The following ANKEF1 variants were observed in gnomAD, a reference collection of about 807,000 sequenced individuals.
The protein encoded by ANKEF1 is ankyrin repeat and EF-hand domain-containing protein 1.
ANKEF1 carries 43 observed loss-of-function variants against 65.1 expected under a neutral mutation model. The ratio of observed to expected loss-of-function variants is 0.66; its 90% CI spans 0.52 to 0.85. ANKEF1 has a LOEUF of 0.85. ANKEF1 is among the 40% of genes least tolerant of loss of function. The pLI is 0.00. For synonymous variants in ANKEF1, 316 were observed against 341.5 expected (o/e 0.93, Z 0.82); for missense variants, 934 against 952.9 (o/e 0.98, Z 0.26).
At chr20:10,041,825 C>T (rs913255649) in intron 3 of ANKEF1, among the ~76,000 whole-genome samples, 7 of 152,130 alleles carry the variant, frequency 4.6e-5, no homozygotes, top group Non-Finnish European at 8.8e-5. Flanking sequence ...TCACTTTTGC[C>T]ATCAAGTAGT....
intron 8 of ANKEF1, among the ~76,000 whole-genome samples, chr20:10,052,431 T>G (rs953532416): frequency 2.0e-5 from 3 of 152,178 alleles, no homozygotes; most frequent in Non-Finnish European, 4.4e-5. Flanking sequence ...GAGGCTTCCC[T>G]GACTCTAGGA....
intron 3 of ANKEF1, chr20:10,040,808 G>C (rs1253479380): frequency 6.6e-6 from 1 of 151,996 alleles, no homozygotes; most frequent in African/African-American, 2.4e-5. Flanking sequence ...TTTCATAAGT[G>C]GCTCTGGGCC....
At chr20:10,040,029 G>T (rs1273120587) in intron 3 of ANKEF1, among the ~76,000 whole-genome samples, 1 of 152,132 alleles carries the variant, frequency 6.6e-6, no homozygotes, top group Non-Finnish European at 1.5e-5. Flanking sequence ...GGTAAAATTG[G>T]AAACAAGGTC....
chr20:10,050,325 A>G lies in ANKEF1; in HGVS notation c.1643+113A>G, dbSNP rs568289410. 3.5e-4 allele frequency: 274 copies of G among 787,328 alleles called. 1 individual carries two copies. In the Middle Eastern group the frequency reaches 6.7e-3, roughly 19 times the overall value. The allele number at this position is 787,328 out of a possible 1,614,324, so 48.8% of individuals were successfully genotyped here. On this transcript the variant is annotated intron_variant, in intron 7 of 10. Coordinates refer to ENST00000378392, the MANE Select transcript of ANKEF1 (RefSeq NM_022096.6). ...GAAAAGTGCTACTTTATTAAAGTCT[A>G]TAATAAGGCTTTAATATATAAAAGC... is the stretch of plus-strand genomic sequence containing the variant.
rs773935316 is a variant in ANKEF1 at position 10,038,636 on chromosome 20, A to G, written c.335A>G (p.Asn112Ser). The change falls in exon 3 of 11, where the codon AAT becomes AGT. Residue 112 changes from asparagine (N) to serine (S), a missense_variant. By Grantham distance (46) the Asn-to-Ser change is conservative. Transcript: ENST00000378392. ...KAKADMTIVD[N>S]EGKGVLFYCI... ...AAGGCTGATATGACTATAGTTGATAATGAAGGAAAAGGTAAAAATCCCGAC... is the reference window on the plus strand; with the variant it reads ...AAGGCTGATATGACTATAGTTGATAGTGAAGGAAAAGGTAAAAATCCCGAC... 6.3e-7 allele frequency: 1 copy of G among 1,589,014 alleles called. No individual in the cohort carries two copies. Among genetic ancestry groups the G allele is most frequent in the Non-Finnish European group, 8.6e-7 (1 of 1,162,190 alleles).
chr20:10,049,613 CAG>C lies in ANKEF1; in HGVS notation c.1045_1046del (p.Arg349GlyfsTer2), dbSNP rs749957827. The C allele has an allele frequency of 3.7e-6, 6 of 1,614,036 alleles. No individual in the cohort carries two copies. The highest frequency in any genetic ancestry group is 2.7e-5 in the African/African-American group (2 of 74,974). On this transcript the variant is annotated frameshift_variant, in exon 7 of 11. Coordinates refer to ENST00000378392, the MANE Select transcript of ANKEF1 (RefSeq NM_022096.6). LOFTEE classifies it high-confidence loss of function. ...TCCGGGAAGCCTTTGCGGTTTTAGA[CAG>C]GGGTGATGGAAGCATCAGCAAGAAC... ...FLREAFAVLDRGDGSISKNDF... is the reference protein window; with the variant it reads ...FLREAFAVLDXGDGSISKNDF...
chr20:10,038,350 C>A lies in ANKEF1; in HGVS notation c.49C>A (p.Leu17Ile), dbSNP rs745650843. The A allele has an allele frequency of 1.2e-6, 2 of 1,604,156 alleles. No homozygotes were observed. Among genetic ancestry groups the A allele is most frequent in the South Asian group, 2.2e-5 (2 of 89,430 alleles). The change falls in exon 3 of 11, where the codon CTT becomes ATT. Residue 17 changes from leucine to isoleucine, a missense_variant. Leu to Ile is a conservative substitution (Grantham distance 5, BLOSUM62 2). Coordinates refer to ENST00000378392, the MANE Select transcript of ANKEF1 (RefSeq NM_022096.6). ...TGAGAACTTACAGATCTACAAAGTTCTTCAATGTGTGCGGAACAAAGACAA... is the reference window on the plus strand; with the variant it reads ...TGAGAACTTACAGATCTACAAAGTTATTCAATGTGTGCGGAACAAAGACAA... ...RLENLQIYKV[L>I]QCVRNKDKKQ...
intron 5 of ANKEF1, among the ~76,000 whole-genome samples, 199 bp downstream of exon 5, chr20:10,044,742 T>G (rs1225989773): frequency 6.6e-6 from 1 of 152,210 alleles, no homozygotes; most frequent in Non-Finnish European, 1.5e-5. Context: ...TTTATGTGTT[T>G]GCTAATTTAC....
chr20:10,049,329 T>A (rs541316772), intron 6 of ANKEF1, 61 bp from the exon 7 acceptor site: 216 of 1,438,072 alleles, frequency 1.5e-4, no homozygotes, highest in Non-Finnish European at 1.9e-4. Context: ...TGGATGAGTG[T>A]CACTTATAGC....
Position 10,051,693 on chromosome 20 carries a change from G to C in ANKEF1, c.1674G>C (p.Leu558=), listed in dbSNP as rs1447757912. Residue 558 remains leucine, a synonymous_variant, in exon 8 of 11, where the codon CTG becomes CTC. Coordinates refer to ENST00000378392, the MANE Select transcript of ANKEF1 (RefSeq NM_022096.6). ...ACGTTAATGCAACAGATAACTTTCTGTGGACTCCACTTCATTTTGCATGCC... is the reference window on the plus strand; with the variant it reads ...ACGTTAATGCAACAGATAACTTTCTCTGGACTCCACTTCATTTTGCATGCC... ...GANVNATDNF[L]WTPLHFACHA... 1.9e-6 allele frequency: 3 copies of C among 1,613,580 alleles called. No homozygotes were observed. The highest frequency in any genetic ancestry group is 2.5e-6 in the Non-Finnish European group (3 of 1,179,738).
chr20:10,047,342 C>T (rs1426562841), intron 6 of ANKEF1, among the ~76,000 whole-genome samples: 1 of 152,194 alleles, frequency 6.6e-6, no homozygotes, highest in African/African-American at 2.4e-5. Context: ...AATATAAACA[C>T]GTCACCAGAT....
intron 6 of ANKEF1, among the ~76,000 whole-genome samples, chr20:10,046,273 G>A (rs1276407032): frequency 6.6e-6 from 1 of 152,150 alleles, no homozygotes; most frequent in Admixed American, 6.5e-5. Flanking sequence ...ACTTACAGTT[G>A]ATTAAGTTCC....
intron 2 of ANKEF1, 124 bp from the exon 3 acceptor site, chr20:10,038,134 C>T (rs111692914): frequency 2.1e-6 from 1 of 478,094 alleles, no homozygotes. Flanking sequence ...TGTATAAATC[C>T]TACTTTCTGA....
chr20:10,051,607 G>A (rs1284361914), intron 7 of ANKEF1, 56 bp from the exon 8 acceptor site: 2 of 1,324,910 alleles, frequency 1.5e-6, no homozygotes, highest in African/African-American at 1.5e-5. Flanking sequence ...TGCATTTTTA[G>A]TGTCCAGTCA....
At chr20:10,043,847 G>A (rs1984350060) in intron 4 of ANKEF1, among the ~76,000 whole-genome samples, 1 of 151,654 alleles carries the variant, frequency 6.6e-6, no homozygotes, top group South Asian at 2.1e-4. Flanking sequence ...ATTTTTAGTA[G>A]AGACAGGGTT....
At position 10,055,607 on chromosome 20, in the gene ANKEF1, C is replaced by T. The variant is rs763362315; in HGVS notation, c.2278C>T (p.Gln760Ter). 2.5e-6 allele frequency: 4 copies of T among 1,613,648 alleles called. No individual in the cohort carries two copies. The African/African-American group carries it at 5.3e-5, about 22-fold the overall frequency. The change falls in exon 11 of 11, where the codon CAG becomes TAG. Residue 760 changes from glutamine (Q) to a stop codon, truncating the protein, a stop_gained. Coordinates refer to ENST00000378392, the MANE Select transcript of ANKEF1 (RefSeq NM_022096.6). LOFTEE classifies it high-confidence loss of function. ...CTTCGACGATTTTATGATGCCTTTT[C>T]AGAAGAACATCACAGAGAAAGCTCG... ...VDFDDFMMPF[Q>*]KNITEKARAL... is the part of the protein sequence containing the mutation.
intron 9 of ANKEF1, among the ~76,000 whole-genome samples, chr20:10,053,723 C>T (rs1984995281): frequency 6.6e-6 from 1 of 152,158 alleles, no homozygotes; most frequent in South Asian, 2.1e-4. Context: ...CCCCTTCCTC[C>T]CACCTGCCGC....
In ANKEF1 at chr20:10,055,945, C is replaced by CACCG; in HGVS notation, c.*286_*287insCCGA. 2.9e-6 allele frequency: 1 copy of CACCG among 340,146 alleles called. No homozygotes were observed. The allele number at this position is 340,146 out of a possible 1,614,324, so 21.1% of individuals were successfully genotyped here. On this transcript the variant is annotated 3_prime_UTR_variant, in exon 11 of 11. Coordinates refer to ENST00000378392, the MANE Select transcript of ANKEF1 (RefSeq NM_022096.6). The stretch of plus-strand genomic sequence containing the variant: ...TAAACGTTGCTGTCAAAAGATTTAC[C>CACCG]AGGTCTACACCATTATGCTTATTAT...
At chr20:10,043,405 T>C in intron 4 of ANKEF1, 84 bp downstream of exon 4, 1 of 1,287,238 alleles carries the variant, frequency 7.8e-7, no homozygotes, top group Non-Finnish European at 1.1e-6. Context: ...GATGACATTA[T>C]CCTGTTAGCT....
Sources: allele counts gnomAD v4.1 joint callset (sites outside exome capture counted in the v4.1 genomes callset), GRCh38; gene constraint gnomAD v4.1.1; transcripts MANE v1.5; gene names NCBI Gene and HGNC (gene_info 2026-07-23, HGNC 2026-07-21).